TRIM55: variants seen among roughly 807,000 people sequenced by gnomAD.
TRIM55 encodes tripartite motif-containing protein 55.
Under a neutral mutation model 60.9 loss-of-function variants are expected in TRIM55, and 50 were observed. The observed-to-expected ratio is 0.82, with a 90% CI of 0.65 to 1.04. TRIM55 has a LOEUF of 1.04. TRIM55 is among the 50% of genes least tolerant of loss of function. The pLI, the probability that TRIM55 is intolerant of heterozygous loss-of-function variation, is 0.00. For synonymous variants in TRIM55, 237 were observed against 238.1 expected, an observed-to-expected ratio of 1.00 and a Z score of 0.04; for missense variants, 681 against 666.9, an observed-to-expected ratio of 1.02 and a Z score of -0.23.
chr8:66,125,611 G>A (rs1170091110), upstream of TRIM55, among the ~76,000 whole-genome samples: 2 of 152,130 alleles, frequency 1.3e-5, no homozygotes, highest in East Asian at 1.9e-4. Flanking sequence ...TAACTGCCTA[G>A]GCTGGGTGAA....
the TRIM55 span, among the ~76,000 whole-genome samples, chr8:66,119,243 C>T: frequency 6.6e-6 from 1 of 152,224 alleles, no homozygotes; most frequent in African/African-American, 2.4e-5. Flanking sequence ...AAGAATACTT[C>T]CTTTCTACCT....
At chr8:66,159,751 A>C (rs1226873270) in intron 9 of TRIM55, among the ~76,000 whole-genome samples, 1 of 152,158 alleles carries the variant, frequency 6.6e-6, no homozygotes, top group African/African-American at 2.4e-5. Context: ...ATGATTATGC[A>C]TGGTTTCTCC....
intron 4 of TRIM55, among the ~76,000 whole-genome samples, chr8:66,137,881 A>C (rs1333943594): frequency 6.6e-6 from 1 of 152,208 alleles, no homozygotes; most frequent in Non-Finnish European, 1.5e-5. Flanking sequence ...TCAAATATAA[A>C]GTATGTCATT....
At chr8:66,171,299 G>C (rs1362765422) in intron 9 of TRIM55, among the ~76,000 whole-genome samples, 2 of 140,074 alleles carry the variant, frequency 1.4e-5, no homozygotes, top group Admixed American at 1.5e-4. Context: ...ATGTGTTCAT[G>C]TGTTCTCATC....
chr8:66,123,045 T>G (rs1296789914), upstream of TRIM55, among the ~76,000 whole-genome samples: 1 of 152,262 alleles, frequency 6.6e-6, no homozygotes, highest in East Asian at 1.9e-4. Flanking sequence ...ATTTAACTTC[T>G]ATTCTCTCTG....
chr8:66,123,488 G>C (rs1021135956), upstream of TRIM55, among the ~76,000 whole-genome samples: 1 of 152,054 alleles, frequency 6.6e-6, no homozygotes, highest in Admixed American at 6.6e-5. Context: ...GATTCATGCT[G>C]TTTTCCTGTG....
the TRIM55 span, among the ~76,000 whole-genome samples, chr8:66,114,082 A>ACC: frequency 0.15 from 11,594 of 74,908 alleles, 1,684 homozygotes; most frequent in East Asian, 0.18. Context: ...AAGGAGAGAC[A>ACC]CCCCCCCCCC....
chr8:66,168,539 G>A (rs1811448146), intron 9 of TRIM55, among the ~76,000 whole-genome samples: 1 of 152,230 alleles, frequency 6.6e-6, no homozygotes, highest in African/African-American at 2.4e-5. Flanking sequence ...ATGGATACTG[G>A]GTGGTTGCCC....
chr8:66,114,208 T>A, the TRIM55 span, among the ~76,000 whole-genome samples: 24 of 151,224 alleles, frequency 1.6e-4, no homozygotes, highest in Admixed American at 4.0e-4. Flanking sequence ...GCTCAAATGG[T>A]AGAGCGCTCG....
chr8:66,129,629 A>T (rs1436008155), intron 2 of TRIM55, among the ~76,000 whole-genome samples: 1 of 152,238 alleles, frequency 6.6e-6, no homozygotes, highest in Non-Finnish European at 1.5e-5. Flanking sequence ...CTTGACAAGA[A>T]CAAAAGTACT....
At chr8:66,140,248 A>G (rs1174689461) in intron 4 of TRIM55, among the ~76,000 whole-genome samples, 2 of 152,232 alleles carry the variant, frequency 1.3e-5, no homozygotes, top group Non-Finnish European at 2.9e-5. Context: ...CTATACATTC[A>G]TGGGGAGAAA....
chr8:66,163,156 A>G (rs1418904387), intron 9 of TRIM55, among the ~76,000 whole-genome samples: 1 of 152,156 alleles, frequency 6.6e-6, no homozygotes, highest in African/African-American at 2.4e-5. Context: ...AGAAGCCTCC[A>G]AATAAGTCAA....
At chr8:66,153,999 T>G in intron 8 of TRIM55, 48 bp from the exon 9 acceptor site, 1 of 1,534,610 alleles carries the variant, frequency 6.5e-7, no homozygotes, top group Non-Finnish European at 8.8e-7. Context: ...TTCTTCTTCT[T>G]CTTCTTTTTT....
intron 5 of TRIM55, 59 bp from the exon 6 acceptor site, chr8:66,150,158 T>C: frequency 6.3e-7 from 1 of 1,578,668 alleles, no homozygotes; most frequent in South Asian, 1.1e-5. Context: ...AATAATTGTC[T>C]TACCACTGTC....
In TRIM55 at chr8:66,174,697, T is replaced by A. The variant is rs1362163620; in HGVS notation, c.*104T>A. On this transcript the variant is annotated 3_prime_UTR_variant, in exon 10 of 10. Coordinates refer to ENST00000315962, the MANE Select transcript of TRIM55 (RefSeq NM_184085.2). ...TTATGCAGATGATGAAAGGGACCTC[T>A]GAACAGGATTTCTGCAAAAATAGCC... The A allele has an allele frequency of 3.9e-6, 5 of 1,290,664 alleles. No individual in the cohort carries two copies. Among genetic ancestry groups the A allele is most frequent in the Non-Finnish European group, 5.0e-6 (5 of 991,672 alleles). 80.0% of individuals were successfully genotyped at this position (1,290,664 alleles called of 1,614,324 possible).
chr8:66,129,403 T>C lies in TRIM55; in HGVS notation c.341+927T>C, dbSNP rs193160715. Among the ~76,000 whole-genome samples the C allele has an allele frequency of 3.2e-4, 48 of 152,334 alleles. No individual in the cohort carries two copies. The Middle Eastern group carries it at 0.01, about 32-fold the overall frequency. On this transcript the variant is annotated intron_variant, in intron 2 of 9. Coordinates refer to ENST00000315962, the MANE Select transcript of TRIM55 (RefSeq NM_184085.2). ...GTGATTCCATTAGGGGACACGTATT[T>C]ATGGAACATCTGCAGAGCTCTAAGA...
Position 66,150,466 on chromosome 8 carries a change from G to A in TRIM55, c.985G>A (p.Glu329Lys). The A allele has an allele frequency of 6.2e-7, 1 of 1,613,902 alleles. No homozygotes were observed. The highest frequency in any genetic ancestry group is 8.5e-7 in the Non-Finnish European group (1 of 1,179,924). Residue 329 changes from glutamate to lysine, a missense_variant and splice_region_variant, in exon 7 of 10, where the codon GAA becomes AAA. Physicochemically the swap from Glu to Lys is moderately conservative, Grantham distance 56 (BLOSUM62 1). Coordinates refer to ENST00000315962, the MANE Select transcript of TRIM55 (RefSeq NM_184085.2). ...AATACGTGAAATTGACTTTTACAGAGGTTTGTTATTCTTTTGACCATTTGG... is the reference window on the plus strand; with the variant it reads ...AATACGTGAAATTGACTTTTACAGAAGTTTGTTATTCTTTTGACCATTTGG... Reference protein sequence around the residue: ...KIIREIDFYREDEDEEEEEGG... With the variant: ...KIIREIDFYRKDEDEEEEEGG...
In TRIM55 at chr8:66,127,153, C is replaced by G. The variant is rs1808852771; in HGVS notation, c.-116C>G. 3 of 1,166,582 alleles carry G rather than the reference C, an allele frequency of 2.6e-6. No individual in the cohort carries two copies. Among genetic ancestry groups the G allele is most frequent in the South Asian group, 1.6e-5 (1 of 63,778 alleles). 72.3% of individuals were successfully genotyped at this position (1,166,582 alleles called of 1,614,324 possible). ...CAGGGCCTGAAACAATGTCCTCCAC[C>G]GAGAGAAACGTAAAGGACACTTGAT... is the stretch of plus-strand genomic sequence containing the variant. On this transcript the variant is annotated 5_prime_UTR_variant, in exon 1 of 10. Coordinates refer to ENST00000315962, the MANE Select transcript of TRIM55 (RefSeq NM_184085.2).
chr8:66,131,408 T>C (rs1044345787), intron 2 of TRIM55, among the ~76,000 whole-genome samples: 11 of 152,224 alleles, frequency 7.2e-5, no homozygotes, highest in African/African-American at 2.7e-4. Context: ...CAATGACATG[T>C]GCATACTACT....
Sources: allele counts gnomAD v4.1 joint callset (sites outside exome capture counted in the v4.1 genomes callset), GRCh38; gene constraint gnomAD v4.1.1; transcripts MANE v1.5; gene names NCBI Gene and HGNC (gene_info 2026-07-23, HGNC 2026-07-21).